The following MAF variants were observed in gnomAD, a reference collection of about 807,000 sequenced individuals.
MAF encodes the protein transcription factor Maf.
A neutral mutation model predicts 22.0 loss-of-function variants in MAF; 10 were observed. The observed-to-expected ratio is 0.45, with a 90% CI of 0.28 to 0.77. The LOEUF (loss-of-function observed/expected upper bound fraction) is 0.77. MAF is among the 30% of genes least tolerant of loss of function. MAF has a pLI of 0.12. For missense variants in MAF, 544 were observed against 548.4 expected (o/e 0.99, Z 0.08); for synonymous variants, 337 against 255.8 (o/e 1.32, Z -3.03).
the MAF span, among the ~76,000 whole-genome samples, chr16:79,256,586 T>TA: frequency 6.6e-6 from 1 of 152,156 alleles, no homozygotes; most frequent in East Asian, 1.9e-4. Context: ...AGATGACTGA[T>TA]AAGACGTCCC....
At chr16:79,278,822 T>C in the MAF span, among the ~76,000 whole-genome samples, 3 of 152,164 alleles carry the variant, frequency 2.0e-5, no homozygotes, top group African/African-American at 7.2e-5. Flanking sequence ...CCCAAGTGTC[T>C]GCCCCTTCTG....
At chr16:79,305,139 C>T in the MAF span, among the ~76,000 whole-genome samples, 1 of 152,204 alleles carries the variant, frequency 6.6e-6, no homozygotes, top group Non-Finnish European at 1.5e-5. Flanking sequence ...GTCATGCCAG[C>T]AGGCCAGGGG....
chr16:79,523,377 T>C, the MAF span, among the ~76,000 whole-genome samples: 133 of 152,324 alleles, frequency 8.7e-4, no homozygotes, highest in African/African-American at 3.1e-3. Flanking sequence ...GACTTCAGTA[T>C]AGGAAATGAG....
At chr16:79,585,574 G>T (rs1912786282), downstream of MAF, among the ~76,000 whole-genome samples, 1 of 152,192 alleles carries the variant, frequency 6.6e-6, no homozygotes, top group Non-Finnish European at 1.5e-5. Context: ...GAAGATCTGA[G>T]ATCTACTCAA....
the MAF span, among the ~76,000 whole-genome samples, chr16:79,241,138 C>T: frequency 4.5e-4 from 69 of 152,032 alleles, 1 homozygote; most frequent in Non-Finnish European, 8.5e-4. Flanking sequence ...TCTTCTCCTC[C>T]AAAGGATCAC....
chr16:79,483,915 G>A, the MAF span, among the ~76,000 whole-genome samples: 1 of 152,206 alleles, frequency 6.6e-6, no homozygotes, highest in Admixed American at 6.5e-5. Context: ...GCTCCTGAGA[G>A]GCAAGGCAGG....
chr16:79,496,253 G>A, the MAF span, among the ~76,000 whole-genome samples: 2 of 152,280 alleles, frequency 1.3e-5, no homozygotes, highest in Admixed American at 6.5e-5. Context: ...AGAGAATAGG[G>A]AATTCCAGAG....
At chr16:79,577,495 A>G in the MAF span, among the ~76,000 whole-genome samples, 3 of 152,168 alleles carry the variant, frequency 2.0e-5, no homozygotes, top group Non-Finnish European at 2.9e-5. Flanking sequence ...GTTACAGGTC[A>G]AAGATGGCAT....
the MAF span, among the ~76,000 whole-genome samples, chr16:79,233,536 C>G: frequency 6.6e-6 from 1 of 152,118 alleles, no homozygotes; most frequent in Admixed American, 6.6e-5. Flanking sequence ...GCATCACTGG[C>G]TAATCATCAA....
At chr16:79,446,606 T>C in the MAF span, among the ~76,000 whole-genome samples, 1 of 152,168 alleles carries the variant, frequency 6.6e-6, no homozygotes, top group Non-Finnish European at 1.5e-5. Context: ...TCTCACTTCC[T>C]CTGAATGCTA....
the MAF span, among the ~76,000 whole-genome samples, chr16:79,239,378 G>A: frequency 2.0e-5 from 3 of 151,962 alleles, no homozygotes; most frequent in African/African-American, 7.2e-5. Flanking sequence ...GTAAAGTCCC[G>A]GGCAAGTTGG....
the MAF span, among the ~76,000 whole-genome samples, chr16:79,245,250 C>A: frequency 1.3e-5 from 2 of 151,898 alleles, no homozygotes; most frequent in African/African-American, 2.4e-5. Context: ...TTCTTCACAA[C>A]AAAAGAAACT....
chr16:79,392,827 T>A, the MAF span, among the ~76,000 whole-genome samples: 1 of 152,112 alleles, frequency 6.6e-6, no homozygotes, highest in East Asian at 1.9e-4. Flanking sequence ...CTTAAACACC[T>A]CTCAGGTGCC....
chr16:79,414,177 TGA>T, the MAF span, among the ~76,000 whole-genome samples: 4 of 152,154 alleles, frequency 2.6e-5, no homozygotes, highest in Non-Finnish European at 4.4e-5. Context: ...AAACCAAGTG[TGA>T]GAGTGTCTTG....
At chr16:79,380,874 T>C in the MAF span, among the ~76,000 whole-genome samples, 6 of 152,230 alleles carry the variant, frequency 3.9e-5, no homozygotes, top group African/African-American at 1.4e-4. Context: ...TGGGGGCACA[T>C]TGGAAGTTGT....
chr16:79,541,323 A>AACT, the MAF span, among the ~76,000 whole-genome samples: 1 of 152,148 alleles, frequency 6.6e-6, no homozygotes, highest in Non-Finnish European at 1.5e-5. Flanking sequence ...GTCCTCTCAC[A>AACT]ACTGTCAGAC....
chr16:79,539,015 A>C, the MAF span, among the ~76,000 whole-genome samples: 1 of 152,250 alleles, frequency 6.6e-6, no homozygotes, highest in African/African-American at 2.4e-5. Flanking sequence ...GGCCATAAAT[A>C]AAAATACAGA....
At chr16:79,433,534 T>C in the MAF span, among the ~76,000 whole-genome samples, 4 of 152,058 alleles carry the variant, frequency 2.6e-5, no homozygotes, top group South Asian at 8.3e-4. Context: ...GATGCTTTTC[T>C]AGCAGGTCAT....
the MAF span, among the ~76,000 whole-genome samples, chr16:79,295,956 T>C: frequency 6.6e-6 from 1 of 152,222 alleles, no homozygotes; most frequent in Non-Finnish European, 1.5e-5. Context: ...CTAAAGTCAG[T>C]ACCTCACCTC....
Sources: allele counts gnomAD v4.1 joint callset (sites outside exome capture counted in the v4.1 genomes callset), GRCh38; gene constraint gnomAD v4.1.1; transcripts MANE v1.5; gene names NCBI Gene and HGNC (gene_info 2026-07-23, HGNC 2026-07-21).